PIK3C3: variants seen among roughly 807,000 people sequenced by gnomAD.
PIK3C3 encodes PI3-kinase type 3.
Under a neutral mutation model 126.1 loss-of-function variants are expected in PIK3C3, and 95 were observed. The ratio of observed to expected loss-of-function variants is 0.75; its 90% CI spans 0.64 to 0.89. The LOEUF (loss-of-function observed/expected upper bound fraction) is 0.89, where lower values mean the gene tolerates loss of function less well. Among genes scored for constraint, PIK3C3 ranks in the 40% least tolerant of loss-of-function variants. The pLI is 0.00. For missense variants in PIK3C3, 829 were observed against 1,063.2 expected (o/e 0.78, Z 3.06); for synonymous variants, 374 against 360.0 (o/e 1.04, Z -0.44).
chr18:42,055,425 G>A (rs1985021223), intron 21 of PIK3C3, among the ~76,000 whole-genome samples: 1 of 152,048 alleles, frequency 6.6e-6, no homozygotes, highest in Admixed American at 6.6e-5. Flanking sequence ...TAAATGTAGG[G>A]AGCCTTTTTA....
chr18:42,061,807 A>G (rs1985326901), intron 22 of PIK3C3, among the ~76,000 whole-genome samples: 1 of 152,242 alleles, frequency 6.6e-6, no homozygotes, highest in Admixed American at 6.5e-5. Flanking sequence ...TGCTATAACA[A>G]TAGAAGCGTG....
At chr18:42,079,214 G>T (rs1343350867) in intron 24 of PIK3C3, among the ~76,000 whole-genome samples, 2 of 152,098 alleles carry the variant, frequency 1.3e-5, no homozygotes, top group Non-Finnish European at 2.9e-5. Context: ...TGATCACCTA[G>T]AGGCCCTGAT....
Position 41,987,884 on chromosome 18 carries a change from G to T in PIK3C3, c.604G>T (p.Glu202Ter). 1 of 1,584,740 alleles carries T rather than the reference G, an allele frequency of 6.3e-7. No individual in the cohort carries two copies. Among genetic ancestry groups the T allele is most frequent in the Non-Finnish European group, 8.6e-7 (1 of 1,158,604 alleles). The change falls in exon 5 of 25, where the codon GAA becomes TAA. Residue 202 changes from glutamate to a stop codon, truncating the protein, a stop_gained. Transcript: ENST00000262039. LOFTEE classifies it high-confidence loss of function. ...GGATAGATTGACATTTAGAGAAATA[G>T]AAATGATAAATGAGGTGGGTTATAT... is the stretch of plus-strand genomic sequence containing the variant. ...WLDRLTFREI[E>*]MINESEKRSS...
intron 5 of PIK3C3, among the ~76,000 whole-genome samples, chr18:41,988,818 G>A (rs1448020708): frequency 6.6e-6 from 1 of 151,950 alleles, no homozygotes; most frequent in African/African-American, 2.4e-5. Context: ...CTGGAAGGAA[G>A]CCTTTTTAAT....
rs373691606 is a variant in PIK3C3, at chr18:41,955,259, C to G, written c.-33C>G. ...ATGTTGTTTTTCCTGTACCTAAGTTCCCGCTGTAGGTGGTACCTTTGCAGA... is the reference window on the plus strand; with the variant it reads ...ATGTTGTTTTTCCTGTACCTAAGTTGCCGCTGTAGGTGGTACCTTTGCAGA... On this transcript the variant is annotated 5_prime_UTR_variant, in exon 1 of 25. Coordinates refer to ENST00000262039, the MANE Select transcript of PIK3C3 (RefSeq NM_002647.4). 1.3e-6 allele frequency: 2 copies of G among 1,588,044 alleles called. No homozygotes were observed. The highest frequency in any genetic ancestry group is 1.7e-6 in the Non-Finnish European group (2 of 1,159,758).
Position 42,082,622 on chromosome 18 carries a change from A to G in PIK3C3, c.*1485A>G, listed in dbSNP as rs568195112. 2.6e-5 allele frequency: 4 copies of G among 152,106 alleles called. No individual in the cohort carries two copies. The highest frequency in any genetic ancestry group is 3.9e-4 in the East Asian group (2 of 5,174). The allele number at this position is 152,106 out of a possible 1,614,324, so 9.4% of individuals were successfully genotyped here. A position where few individuals can be genotyped will look rare whatever the true frequency, so the allele number is the denominator to read the frequency against. On this transcript the variant is annotated 3_prime_UTR_variant, in exon 25 of 25. Transcript: ENST00000262039. ...TCTGTATGCTCATTCTTGTAGTTCT[A>G]TTTCTATTGAAACTTCCTCCAAAAC... is the stretch of plus-strand genomic sequence containing the variant.
chr18:41,959,237 A>G (rs543172510), intron 2 of PIK3C3, among the ~76,000 whole-genome samples: 1 of 152,352 alleles, frequency 6.6e-6, no homozygotes, highest in African/African-American at 2.4e-5. Context: ...CTTCTGTTGC[A>G]TGACTTGACA....
rs571948869 is a variant in PIK3C3, at chr18:42,086,595, G to T, written c.*5458G>T. On this transcript the variant is annotated 3_prime_UTR_variant, in exon 25 of 25. Coordinates refer to ENST00000262039, the MANE Select transcript of PIK3C3 (RefSeq NM_002647.4). The stretch of plus-strand genomic sequence containing the variant: ...CAAGACGGGAATGAAAGTGACCTCC[G>T]GTCATCCTCACTGCTCATTATACGC... The T allele has an allele frequency of 2.0e-4, 30 of 152,220 alleles. No individual in the cohort carries two copies. The highest frequency in any genetic ancestry group is 7.0e-4 in the African/African-American group (29 of 41,522). 9.4% of individuals were successfully genotyped at this position (152,220 alleles called of 1,614,324 possible).
chr18:42,024,073 A>G (rs1983445645), intron 13 of PIK3C3, among the ~76,000 whole-genome samples: 1 of 152,164 alleles, frequency 6.6e-6, no homozygotes, highest in Non-Finnish European at 1.5e-5. Context: ...TAGGGTGTTG[A>G]AATTGAAAGT....
chr18:42,022,202 C>G (rs1039049326), intron 13 of PIK3C3, among the ~76,000 whole-genome samples: 1 of 152,094 alleles, frequency 6.6e-6, no homozygotes, highest in Non-Finnish European at 1.5e-5. Flanking sequence ...AGGTTTGTTA[C>G]ATATGTATAC....
chr18:42,063,653 A>G (rs1008007012), intron 22 of PIK3C3, among the ~76,000 whole-genome samples: 5 of 152,150 alleles, frequency 3.3e-5, no homozygotes, highest in Non-Finnish European at 7.4e-5. Flanking sequence ...ACTTATATGG[A>G]TAGTCATTTT....
At chr18:42,071,509 C>G (rs1243073698) in intron 24 of PIK3C3, among the ~76,000 whole-genome samples, 1 of 152,086 alleles carries the variant, frequency 6.6e-6, no homozygotes, top group Non-Finnish European at 1.5e-5. Flanking sequence ...CACATGAGGT[C>G]AGGAGTTTGA....
intron 5 of PIK3C3, 53 bp downstream of exon 5, chr18:41,987,951 A>G: frequency 6.3e-6 from 7 of 1,114,022 alleles, no homozygotes; most frequent in Non-Finnish European, 9.1e-6. Context: ...TTTTTAAATT[A>G]ACAATTTTTT....
chr18:42,067,524 T>C lies in PIK3C3; in HGVS notation c.2649+11T>C, dbSNP rs1373424437. ...CACAAGTTTGCCCAGGTAAGTTCCC[T>C]GAGTGCAGTGCATTTTTCTCACCTT... On this transcript the variant is annotated intron_variant, in intron 24 of 24. Transcript: ENST00000262039. 6.2e-7 allele frequency: 1 copy of C among 1,613,980 alleles called. No individual in the cohort carries two copies. Among genetic ancestry groups the C allele is most frequent in the Non-Finnish European group, 8.5e-7 (1 of 1,179,894 alleles).
intron 9 of PIK3C3, among the ~76,000 whole-genome samples, chr18:41,996,972 G>A (rs1309580138): frequency 4.6e-5 from 7 of 152,064 alleles, no homozygotes; most frequent in African/African-American, 7.2e-5. Flanking sequence ...ACTTGGGTTC[G>A]TTTTCCAGAA....
intron 22 of PIK3C3, among the ~76,000 whole-genome samples, chr18:42,061,390 C>G (rs1239281322): frequency 2.6e-5 from 4 of 152,126 alleles, no homozygotes; most frequent in Non-Finnish European, 5.9e-5. Flanking sequence ...CGAGACCAGC[C>G]TGGCCAACAT....
chr18:42,025,013 C>T (rs377338947), intron 13 of PIK3C3, among the ~76,000 whole-genome samples: 22 of 151,774 alleles, frequency 1.4e-4, no homozygotes, highest in East Asian at 5.9e-4. Flanking sequence ...GGGGTTTCAC[C>T]GTGTTAGCCA....
At chr18:41,955,783 C>G (rs765526973) in intron 1 of PIK3C3, among the ~76,000 whole-genome samples, 1 of 151,936 alleles carries the variant, frequency 6.6e-6, no homozygotes, top group African/African-American at 2.4e-5. Flanking sequence ...CAGGCAGATG[C>G]GATAGTTGAG....
At chr18:41,955,438 G>T (rs1314558993) in intron 1 of PIK3C3, 79 bp downstream of exon 1, 4 of 1,243,526 alleles carry the variant, frequency 3.2e-6, no homozygotes, top group East Asian at 2.4e-5. Flanking sequence ...GGAGTGAGAG[G>T]CAGAAAGTAC....
Sources: allele counts gnomAD v4.1 joint callset (sites outside exome capture counted in the v4.1 genomes callset), GRCh38; gene constraint gnomAD v4.1.1; transcripts MANE v1.5; gene names NCBI Gene and HGNC (gene_info 2026-07-23, HGNC 2026-07-21).